Variants in TEX2 observed in about 807,000 individuals in gnomAD.
TEX2 encodes testis expressed 2.
A neutral mutation model predicts 106.9 loss-of-function variants in TEX2; 53 were observed. The ratio of observed to expected loss-of-function variants is 0.50; its 90% CI spans 0.40 to 0.62. TEX2 has a LOEUF of 0.62. TEX2 is among the 20% of genes least tolerant of loss of function. TEX2 has a pLI of 0.00. For missense variants in TEX2, 1,207 were observed against 1,379.0 expected, an observed-to-expected ratio of 0.88 and a Z score of 1.98; for synonymous variants, 523 against 534.8, an observed-to-expected ratio of 0.98 and a Z score of 0.30.
At chr17:64,258,944 G>A (rs903295627) in intron 1 of TEX2, among the ~76,000 whole-genome samples, 48 of 152,096 alleles carry the variant, frequency 3.2e-4, no homozygotes, top group Admixed American at 7.2e-4. Context: ...TTTTAATAGA[G>A]CCAGGTTTTC....
Position 64,185,968 on chromosome 17 carries a change from G to A in TEX2, c.2424+2200C>T, listed in dbSNP as rs1325888926. On this transcript the variant is annotated intron_variant, in intron 5 of 11. Coordinates refer to ENST00000584379, the MANE Select transcript of TEX2 (RefSeq NM_001288732.2). This position sits in a 1 kb window ranked among gnomAD's most constrained non-coding sequence, Gnocchi z 4.0. ...TTAGAAGAGGGAAAAGAAATGTCTG[G>A]GTGCTTAAAGGGTAAGTGCCAGGTG... Among the ~76,000 whole-genome samples the A allele has an allele frequency of 6.6e-6, 1 of 152,096 alleles. No individual in the cohort carries two copies. The highest frequency in any genetic ancestry group is 1.5e-5 in the Non-Finnish European group (1 of 68,008).
intron 1 of TEX2, among the ~76,000 whole-genome samples, chr17:64,229,258 G>A (rs1030030930): frequency 6.6e-6 from 1 of 152,206 alleles, no homozygotes. Context: ...CCCTGGTCAA[G>A]ACTGAATATT....
chr17:64,193,809 T>C lies in TEX2; in HGVS notation c.1926A>G (p.Gln642=), dbSNP rs538745699. The C allele has an allele frequency of 5.0e-6, 8 of 1,608,378 alleles. No homozygotes were observed. Among genetic ancestry groups the C allele is most frequent in the African/African-American group, 4.0e-5 (3 of 74,936 alleles). Residue 642 remains glutamine, a synonymous_variant, in exon 4 of 12, where the codon CAA becomes CAG. Coordinates refer to ENST00000584379, the MANE Select transcript of TEX2 (RefSeq NM_001288732.2). ...KYPICIELGQ[Q]DDFMSKAQTD... ...TCTGAGCTTTAGACATAAAGTCATC[T>C]TGCTGACCAAGCTCGATACAAATGG...
At chr17:64,262,743 T>C (rs1357908088) in intron 1 of TEX2, among the ~76,000 whole-genome samples, 1 of 152,102 alleles carries the variant, frequency 6.6e-6, no homozygotes, top group Non-Finnish European at 1.5e-5. Context: ...CAGATTCGAG[T>C]AAAAGTAACT....
At chr17:64,201,827 A>C (rs2032672011) in intron 2 of TEX2, among the ~76,000 whole-genome samples, 1 of 152,198 alleles carries the variant, frequency 6.6e-6, no homozygotes, top group Non-Finnish European at 1.5e-5. Flanking sequence ...AGGGATCATC[A>C]TGTCTGCCAA....
At chr17:64,230,406 C>T (rs2033630021) in intron 1 of TEX2, among the ~76,000 whole-genome samples, 1 of 152,352 alleles carries the variant, frequency 6.6e-6, no homozygotes, top group African/African-American at 2.4e-5. Context: ...GTTCCTGGCA[C>T]AGGCATGGTC....
At chr17:64,179,572 G>C (rs567245282) in intron 5 of TEX2, among the ~76,000 whole-genome samples, 2 of 152,088 alleles carry the variant, frequency 1.3e-5, no homozygotes, top group Non-Finnish European at 2.9e-5. Flanking sequence ...CTTCATTCTT[G>C]AAGTCAGTGA....
chr17:64,262,043 T>C (rs1021970258), intron 1 of TEX2, among the ~76,000 whole-genome samples: 2 of 152,190 alleles, frequency 1.3e-5, no homozygotes, highest in Non-Finnish European at 2.9e-5. Context: ...CCCCTCCAGC[T>C]TACACCTGGC....
chr17:64,243,852 A>G (rs570759228), intron 1 of TEX2, among the ~76,000 whole-genome samples: 1 of 140,200 alleles, frequency 7.1e-6, no homozygotes, highest in African/African-American at 2.7e-5. Flanking sequence ...TCTGCTGCCC[A>G]GGTTGGAGTG....
intron 8 of TEX2, among the ~76,000 whole-genome samples, chr17:64,157,750 G>A (rs964550432): frequency 2.0e-5 from 3 of 152,206 alleles, no homozygotes; most frequent in Non-Finnish European, 2.9e-5. Flanking sequence ...TAAACTGCAG[G>A]CACTCAGTGC....
chr17:64,250,457 C>T (rs990694111), intron 1 of TEX2, among the ~76,000 whole-genome samples: 1 of 152,210 alleles, frequency 6.6e-6, no homozygotes, highest in African/African-American at 2.4e-5. Context: ...TTAAGTCCAA[C>T]ACACACACTT....
intron 1 of TEX2, among the ~76,000 whole-genome samples, chr17:64,259,327 T>G (rs1356966314): frequency 6.6e-6 from 1 of 152,190 alleles, no homozygotes; most frequent in Non-Finnish European, 1.5e-5. Context: ...TCACGCAGTG[T>G]AATTACGCAT....
At chr17:64,247,895 A>T (rs1339572423) in intron 1 of TEX2, among the ~76,000 whole-genome samples, 1 of 152,186 alleles carries the variant, frequency 6.6e-6, no homozygotes, top group Non-Finnish European at 1.5e-5. Flanking sequence ...CCCCAAGATT[A>T]AAAAACCCAG....
chr17:64,172,732 C>T (rs2031464294), intron 6 of TEX2, among the ~76,000 whole-genome samples: 1 of 152,116 alleles, frequency 6.6e-6, no homozygotes, highest in Non-Finnish European at 1.5e-5. Context: ...TCTCCATCTG[C>T]CCACACCTTT....
At chr17:64,254,325 A>T (rs956669583) in intron 1 of TEX2, among the ~76,000 whole-genome samples, 1 of 152,210 alleles carries the variant, frequency 6.6e-6, no homozygotes, top group African/African-American at 2.4e-5. Flanking sequence ...TGAGTTTGGA[A>T]CCTACATGCG....
At chr17:64,164,175 C>T (rs754826253) in intron 7 of TEX2, among the ~76,000 whole-genome samples, 67 of 152,236 alleles carry the variant, frequency 4.4e-4, no homozygotes, top group Middle Eastern at 6.8e-3. Flanking sequence ...CAGTGTCTCA[C>T]GCCTGTAATC....
chr17:64,200,075 C>T (rs1322979062), intron 2 of TEX2, among the ~76,000 whole-genome samples: 2 of 152,136 alleles, frequency 1.3e-5, no homozygotes, highest in African/African-American at 4.8e-5. Flanking sequence ...AAAAGTTAAC[C>T]TGCAATATTA....
intron 1 of TEX2, among the ~76,000 whole-genome samples, chr17:64,257,692 G>A (rs1223704643): frequency 4.1e-4 from 62 of 152,280 alleles, no homozygotes; most frequent in Non-Finnish European, 2.8e-4. Context: ...TTGTGTTCAA[G>A]TAACGCTTAT....
At chr17:64,181,724 C>T (rs909006103) in intron 5 of TEX2, among the ~76,000 whole-genome samples, 1 of 151,732 alleles carries the variant, frequency 6.6e-6, no homozygotes, top group Admixed American at 6.6e-5. Flanking sequence ...CCATGGTAGT[C>T]AGGCTGGTCT....
Sources: allele counts gnomAD v4.1 joint callset (sites outside exome capture counted in the v4.1 genomes callset), GRCh38; gene constraint gnomAD v4.1.1; non-coding constraint Gnocchi (gnomAD v3.1); transcripts MANE v1.5; gene names NCBI Gene and HGNC (gene_info 2026-07-23, HGNC 2026-07-21).